SCHIP1: variants seen among roughly 807,000 people sequenced by gnomAD.
SCHIP1 encodes schwannomin-interacting protein 1.
A neutral mutation model predicts 29.7 loss-of-function variants in SCHIP1; 8 were observed. The observed-to-expected ratio is 0.27, with a 90% confidence interval of 0.16 to 0.49. SCHIP1 has a LOEUF of 0.49. Ranked by LOEUF, SCHIP1 falls within the 20% of genes least tolerant of loss-of-function variation. The pLI, the probability that SCHIP1 is intolerant of heterozygous loss-of-function variation, is 0.99. For synonymous variants in SCHIP1, 76 were observed against 94.9 expected (o/e 0.80, Z 1.16); for missense variants, 193 against 294.6 (o/e 0.66, Z 2.52).
the SCHIP1 span, among the ~76,000 whole-genome samples, chr3:159,411,986 A>G: frequency 6.6e-6 from 1 of 152,194 alleles, no homozygotes; most frequent in South Asian, 2.1e-4. Flanking sequence ...GCAACTATCA[A>G]TATGTTTTTA....
chr3:159,707,180 C>A, the SCHIP1 span, among the ~76,000 whole-genome samples: 2 of 152,138 alleles, frequency 1.3e-5, no homozygotes, highest in African/African-American at 2.4e-5. Flanking sequence ...GTATATGACT[C>A]TTTATCAGAG....
At chr3:159,473,388 C>A in the SCHIP1 span, among the ~76,000 whole-genome samples, 1 of 152,004 alleles carries the variant, frequency 6.6e-6, no homozygotes, top group Non-Finnish European at 1.5e-5. Context: ...GAAAAGCCAG[C>A]AATTCCTGTA....
At chr3:159,585,955 T>C in the SCHIP1 span, among the ~76,000 whole-genome samples, 3 of 152,000 alleles carry the variant, frequency 2.0e-5, no homozygotes, top group Admixed American at 6.6e-5. Context: ...ATAATATTAT[T>C]GGATGGATGG....
chr3:159,865,412 C>T (rs914591820), intron 1 of SCHIP1, among the ~76,000 whole-genome samples: 1 of 152,154 alleles, frequency 6.6e-6, no homozygotes, highest in Non-Finnish European at 1.5e-5. Flanking sequence ...GTAAACATAT[C>T]CAAATGATCA....
chr3:159,857,005 T>G (rs1273291088), intron 1 of SCHIP1, among the ~76,000 whole-genome samples: 1 of 152,136 alleles, frequency 6.6e-6, no homozygotes, highest in Non-Finnish European at 1.5e-5. Context: ...TGAAGAACCA[T>G]GTTAAGTTAC....
the SCHIP1 span, among the ~76,000 whole-genome samples, chr3:159,394,911 T>C: frequency 6.6e-6 from 1 of 152,292 alleles, no homozygotes; most frequent in South Asian, 2.1e-4. Flanking sequence ...TCCTTGTACC[T>C]CTGGTAGAAT....
At chr3:159,708,749 G>T in the SCHIP1 span, among the ~76,000 whole-genome samples, 1 of 152,168 alleles carries the variant, frequency 6.6e-6, no homozygotes, top group South Asian at 2.1e-4. Context: ...TCACCCTTAG[G>T]CCTAAAAGGC....
chr3:159,764,975 C>T, the SCHIP1 span: 2 of 1,499,530 alleles, frequency 1.3e-6, no homozygotes, highest in Non-Finnish European at 1.8e-6. This position sits in a 1 kb window ranked among gnomAD's most constrained non-coding sequence, Gnocchi z 6.1. Context: ...GGCCCGGCGG[C>T]TGGGGGGCTC....
the SCHIP1 span, among the ~76,000 whole-genome samples, chr3:159,823,033 G>A: frequency 1.3e-5 from 2 of 152,080 alleles, no homozygotes; most frequent in Non-Finnish European, 1.5e-5. Context: ...CCACCGAAAG[G>A]ACTTATGATG....
chr3:159,344,590 A>G, the SCHIP1 span, among the ~76,000 whole-genome samples: 6 of 152,316 alleles, frequency 3.9e-5, no homozygotes, highest in East Asian at 1.2e-3. Flanking sequence ...GTTGAGAGAC[A>G]TTTGACAAAA....
At chr3:159,366,596 T>C in the SCHIP1 span, among the ~76,000 whole-genome samples, 2 of 152,204 alleles carry the variant, frequency 1.3e-5, no homozygotes, top group South Asian at 2.1e-4. Flanking sequence ...AAACACTTCC[T>C]GTTACTATCA....
the SCHIP1 span, among the ~76,000 whole-genome samples, chr3:159,504,274 G>GT: frequency 1.3e-5 from 2 of 152,332 alleles, no homozygotes; most frequent in Admixed American, 6.5e-5. Flanking sequence ...AAGAAATGAT[G>GT]TAAGGAGCTA....
the SCHIP1 span, among the ~76,000 whole-genome samples, chr3:159,683,720 G>A: frequency 2.4e-4 from 36 of 152,282 alleles, no homozygotes; most frequent in African/African-American, 8.7e-4. Context: ...GGCTACTATT[G>A]TGGGAGACAG....
chr3:159,854,281 CT>C (rs1470904798), intron 1 of SCHIP1, among the ~76,000 whole-genome samples: 1 of 152,132 alleles, frequency 6.6e-6, no homozygotes, highest in Non-Finnish European at 1.5e-5. Context: ...ACATCACTAA[CT>C]TTTTTCCCAG....
the SCHIP1 span, among the ~76,000 whole-genome samples, chr3:159,581,460 C>G: frequency 1.3e-5 from 2 of 152,182 alleles, no homozygotes; most frequent in African/African-American, 4.8e-5. Context: ...CAGCCTAATA[C>G]TATGCCCACC....
At chr3:159,372,527 A>ATTTAC in the SCHIP1 span, among the ~76,000 whole-genome samples, 2 of 152,060 alleles carry the variant, frequency 1.3e-5, no homozygotes, top group Non-Finnish European at 2.9e-5. Context: ...ATATTTTCAC[A>ATTTAC]TTTACTTTAC....
the SCHIP1 span, among the ~76,000 whole-genome samples, chr3:159,767,348 A>T: frequency 5.3e-5 from 8 of 152,206 alleles, no homozygotes; most frequent in African/African-American, 1.9e-4. Context: ...TTGCAACATA[A>T]AGTTTACTTC....
chr3:159,810,203 G>A, the SCHIP1 span, among the ~76,000 whole-genome samples: 842 of 152,106 alleles, frequency 5.5e-3, 5 homozygotes, highest in Non-Finnish European at 9.2e-3. Flanking sequence ...GTGCCACCAC[G>A]CCCAGCTAAT....
the SCHIP1 span, among the ~76,000 whole-genome samples, chr3:159,641,048 T>C: frequency 5.6e-4 from 85 of 152,252 alleles, no homozygotes; most frequent in Admixed American, 9.2e-4. Flanking sequence ...AAGCCTAAAT[T>C]AGGGTATCCA....
Sources: gnomAD v4.1 joint callset for allele counts (sites outside exome capture counted in the v4.1 genomes callset) on GRCh38, gnomAD v4.1.1 for gene constraint, Gnocchi (gnomAD v3.1) non-coding constraint, MANE v1.5 for transcripts, NCBI Gene and HGNC (gene_info 2026-07-23, HGNC 2026-07-21) for gene names.